The following DDIAS variants were observed in gnomAD, a reference collection of about 807,000 sequenced individuals.
DDIAS encodes the protein DNA damage-induced apoptosis suppressor protein.
Under a neutral mutation model 15.7 loss-of-function variants are expected in DDIAS, and 14 were observed. The ratio of observed to expected loss-of-function variants is 0.89; its 90% CI spans 0.59 to 1.39. The LOEUF is 1.39. Among genes scored for constraint, DDIAS ranks in the 40% most tolerant of loss-of-function variants. The pLI is 0.00. For synonymous variants in DDIAS, 355 were observed against 395.9 expected, an observed-to-expected ratio of 0.90 and a Z score of 1.23; for missense variants, 1,035 against 1,130.9, an observed-to-expected ratio of 0.92 and a Z score of 1.22.
chr11:82,910,604 CTCTTTTTTTT>C (rs1203478403), intron 1 of DDIAS, among the ~76,000 whole-genome samples: 2 of 107,640 alleles, frequency 1.9e-5, no homozygotes, highest in East Asian at 2.5e-4. Context: ...CTCTCTCTCT[CTCTTTTTTTT>C]TTTTTTTTTT....
At chr11:82,927,393 C>A (rs1428172036) in intron 3 of DDIAS, among the ~76,000 whole-genome samples, 1 of 141,952 alleles carries the variant, frequency 7.0e-6, no homozygotes, top group Non-Finnish European at 1.6e-5. Context: ...GATCTATCCT[C>A]AGTATGGCAG....
intron 3 of DDIAS, among the ~76,000 whole-genome samples, chr11:82,918,603 A>C (rs1392032986): frequency 6.6e-6 from 1 of 152,156 alleles, no homozygotes; most frequent in African/African-American, 2.4e-5. Context: ...TGTTTTTTCT[A>C]ATTCTGTGAA....
intron 1 of DDIAS, among the ~76,000 whole-genome samples, chr11:82,910,883 G>A (rs1320198228): frequency 6.6e-6 from 1 of 152,048 alleles, no homozygotes; most frequent in Non-Finnish European, 1.5e-5. Context: ...GGCATACCTT[G>A]GAGATATTGT....
At chr11:82,923,776 G>T (rs746468692) in intron 3 of DDIAS, among the ~76,000 whole-genome samples, 10 of 151,900 alleles carry the variant, frequency 6.6e-5, no homozygotes, top group Non-Finnish European at 1.3e-4. Context: ...TTGAAAGGGG[G>T]TTTCATTATG....
rs184390937 is a variant in DDIAS at position 82,914,022 on chromosome 11, C to T, written c.-17+636C>T. ...TGCAATCTCGGCTCACTGCAACCTC[C>T]GCATCCTAGGTTCAAGCAATTCTCC... On this transcript the variant is annotated intron_variant, in intron 2 of 5. Coordinates refer to ENST00000533655, the MANE Select transcript of DDIAS (RefSeq NM_145018.4). 61 of 408,008 alleles carry T rather than the reference C, an allele frequency of 1.5e-4. 1 individual carries two copies. The East Asian group carries it at 4.2e-3, about 28-fold the overall frequency. The allele number at this position is 408,008 out of a possible 1,614,324, so 25.3% of individuals were successfully genotyped here.
In DDIAS at chr11:82,932,526, C is replaced by T. The variant is rs1286576835; in HGVS notation, c.1188C>T (p.Leu396=). 5.6e-6 allele frequency: 9 copies of T among 1,614,088 alleles called. No individual in the cohort carries two copies. The highest frequency in any genetic ancestry group is 7.6e-6 in the Non-Finnish European group (9 of 1,180,050). Residue 396 remains leucine (L), a synonymous_variant, in exon 6 of 6, where the codon CTC becomes CTT. Coordinates refer to ENST00000533655, the MANE Select transcript of DDIAS (RefSeq NM_145018.4). ...KRSACCPPSL[L]RLEETASSSQ... The stretch of plus-strand genomic sequence containing the variant: ...CTGCATGTTGTCCACCTTCGTTACT[C>T]AGACTTGAAGAGACAGCCAGCAGTT...
chr11:82,933,352 A>G lies in DDIAS; in HGVS notation c.2014A>G (p.Ser672Gly), dbSNP rs369610480. The change falls in exon 6 of 6, where the codon AGC becomes GGC. Residue 672 changes from serine to glycine, a missense_variant. By Grantham distance (56) the Ser-to-Gly change is moderately conservative. Transcript: ENST00000533655. Reference sequence around the variant, plus strand: ...GAGCTATTCTATTGGTTATGAAGGTAGCTATGATGCCTCTGCTGATCTCTT... The same window carrying G: ...GAGCTATTCTATTGGTTATGAAGGTGGCTATGATGCCTCTGCTGATCTCTT... ...TQSYSIGYEG[S>G]YDASADLFDD... is the part of the protein sequence containing the mutation. 9.9e-6 allele frequency: 16 copies of G among 1,614,110 alleles called. No individual in the cohort carries two copies. The East Asian group carries it at 3.1e-4, about 31-fold the overall frequency.
intron 3 of DDIAS, among the ~76,000 whole-genome samples, chr11:82,920,927 T>TTTG (rs761367506): frequency 6.6e-6 from 1 of 152,248 alleles, no homozygotes; most frequent in Non-Finnish European, 1.5e-5. Flanking sequence ...CCATTTTTTC[T>TTTG]TTGTTGACTT....
chr11:82,906,096 G>C (rs1860425297), intron 1 of DDIAS, among the ~76,000 whole-genome samples: 1 of 151,776 alleles, frequency 6.6e-6, no homozygotes, highest in African/African-American at 2.4e-5. Flanking sequence ...CCAGAGCCTA[G>C]GTAAATAAAT....
At chr11:82,911,894 T>C (rs1412912651) in intron 1 of DDIAS, among the ~76,000 whole-genome samples, 1 of 152,166 alleles carries the variant, frequency 6.6e-6, no homozygotes, top group African/African-American at 2.4e-5. Context: ...ACAATATCAA[T>C]CTCCTTGTGC....
chr11:82,933,482 A>C lies in DDIAS; in HGVS notation c.2144A>C (p.Glu715Ala), dbSNP rs139126182. Reference protein sequence around the residue: ...GTSLAESHPSESDFSLRSLSE... With the variant: ...GTSLAESHPSASDFSLRSLSE... ...TCTTTGGCAGAAAGTCACCCTTCAG[A>C]GTCTGATTTTTCACTGAGATCACTT... Residue 715 changes from glutamate (E) to alanine (A), a missense_variant, in exon 6 of 6, where the codon GAG (glutamate) becomes GCG (alanine). Coordinates refer to ENST00000533655, the MANE Select transcript of DDIAS (RefSeq NM_145018.4). The C allele has an allele frequency of 1.9e-4, 306 of 1,613,932 alleles. No homozygotes were observed. The African/African-American group carries it at 3.6e-3, about 19-fold the overall frequency.
chr11:82,906,698 T>G (rs1201686964), intron 1 of DDIAS, among the ~76,000 whole-genome samples: 1 of 152,162 alleles, frequency 6.6e-6, no homozygotes, highest in Non-Finnish European at 1.5e-5. Context: ...AAATAGTCTC[T>G]GCTCACAATA....
chr11:82,913,809 A>C, intron 2 of DDIAS: 1 of 389,432 alleles, frequency 2.6e-6, no homozygotes, highest in South Asian at 1.9e-5. Flanking sequence ...AGTCTTGTGA[A>C]TTTTGGATTT....
At chr11:82,921,456 G>A (rs1001885300) in intron 3 of DDIAS, among the ~76,000 whole-genome samples, 3 of 147,250 alleles carry the variant, frequency 2.0e-5, no homozygotes, top group African/African-American at 7.5e-5. Flanking sequence ...TTTTTAAATT[G>A]TTTTTGTTTT....
intron 4 of DDIAS, among the ~76,000 whole-genome samples, chr11:82,929,926 G>A (rs1184619957): frequency 1.3e-5 from 2 of 151,988 alleles, no homozygotes; most frequent in Non-Finnish European, 2.9e-5. Flanking sequence ...ATCATTGCCG[G>A]GCCTGATGGT....
At chr11:82,912,926 G>C (rs1860554495) in intron 1 of DDIAS, among the ~76,000 whole-genome samples, 2 of 152,146 alleles carry the variant, frequency 1.3e-5, no homozygotes, top group South Asian at 4.1e-4. Flanking sequence ...CCCAACAAGA[G>C]GGAGAGAGAT....
At chr11:82,929,244 T>C (rs1860933499) in intron 4 of DDIAS, among the ~76,000 whole-genome samples, 1 of 152,166 alleles carries the variant, frequency 6.6e-6, no homozygotes, top group Admixed American at 6.5e-5. Flanking sequence ...ATTATCCAAA[T>C]TGAGGTTAGC....
intron 1 of DDIAS, among the ~76,000 whole-genome samples, chr11:82,906,182 G>A (rs1000468462): frequency 9.9e-5 from 15 of 152,104 alleles, no homozygotes; most frequent in African/African-American, 3.6e-4. Context: ...TTAATTAACA[G>A]TAACTGTCTG....
chr11:82,904,228 A>G (rs1386832101), intron 1 of DDIAS, among the ~76,000 whole-genome samples: 14 of 152,238 alleles, frequency 9.2e-5, no homozygotes, highest in Admixed American at 9.2e-4. Context: ...GCCAGTTTAC[A>G]CTAAATACTT....
Sources: gnomAD v4.1 joint callset for allele counts (sites outside exome capture counted in the v4.1 genomes callset) on GRCh38, gnomAD v4.1.1 for gene constraint, MANE v1.5 for transcripts, NCBI Gene and HGNC (gene_info 2026-07-23, HGNC 2026-07-21) for gene names.